MYOM2: variants seen among roughly 807,000 people sequenced by gnomAD.
The protein encoded by MYOM2 is myomesin 2, also known as myomesin-2.
Under a neutral mutation model 187.6 loss-of-function variants are expected in MYOM2, and 254 were observed. That is an observed-to-expected ratio of 1.35 (90% CI 1.22 to 1.50). The LOEUF (loss-of-function observed/expected upper bound fraction) is 1.50, where lower values mean the gene tolerates loss of function less well. MYOM2 is among the 40% of genes most tolerant of loss of function. The probability of loss-of-function intolerance (pLI) is 0.00; values close to 1 mark genes in which losing one functional copy is unlikely to be tolerated. For missense variants in MYOM2, 2,796 were observed against 1,924.0 expected, an observed-to-expected ratio of 1.45 and a Z score of -8.48; for synonymous variants, 981 against 753.8, an observed-to-expected ratio of 1.30 and a Z score of -4.94.
chr8:2,141,191 A>G lies in MYOM2; in HGVS notation c.4001+14A>G. The G allele has an allele frequency of 6.2e-7, 1 of 1,611,290 alleles. No individual in the cohort carries two copies. Among genetic ancestry groups the G allele is most frequent in the South Asian group, 1.1e-5 (1 of 90,708 alleles). ...CCAGCAATTCAAGTAAGATTTGTGT[A>G]TTTAGTTACTATGATATCCTGTGGG... On this transcript the variant is annotated intron_variant, in intron 34 of 36. Coordinates refer to ENST00000262113, the MANE Select transcript of MYOM2 (RefSeq NM_003970.4).
At chr8:2,060,586 AG>A in intron 6 of MYOM2, among the ~76,000 whole-genome samples, 1 of 152,204 alleles carries the variant, frequency 6.6e-6, no homozygotes, top group Middle Eastern at 3.2e-3. Flanking sequence ...ACTGTAAAGC[AG>A]TGAGTGCATC....
intron 32 of MYOM2, among the ~76,000 whole-genome samples, chr8:2,133,106 G>A (rs1026725012): frequency 6.6e-6 from 1 of 152,048 alleles, no homozygotes; most frequent in Non-Finnish European, 1.5e-5. Flanking sequence ...GAAAGCACAG[G>A]GTGTTTCCAG....
rs537361883 is a variant in MYOM2, at chr8:2,109,525, C to T, written c.3174C>T (p.Asp1058=). 7.5e-6 allele frequency: 12 copies of T among 1,610,692 alleles called. No homozygotes were observed. The East Asian group carries it at 9.0e-5, about 12-fold the overall frequency. Reference sequence around the variant, plus strand: ...TTATTAACGACAGAGAAGTCTCTGACAGCGAGGTGAGTTCCTGTGTGAGTG... The same window carrying T: ...TTATTAACGACAGAGAAGTCTCTGATAGCGAGGTGAGTTCCTGTGTGAGTG... ...RFIINDREVS[D]SEIHRIKCDK... is the part of the protein sequence containing the mutation. The change falls in exon 25 of 37, where the codon GAC becomes GAT. Residue 1058 remains aspartate, a synonymous_variant. Coordinates refer to ENST00000262113, the MANE Select transcript of MYOM2 (RefSeq NM_003970.4).
chr8:2,102,585 C>T lies in MYOM2; in HGVS notation c.2620-82C>T, dbSNP rs141129364. On this transcript the variant is annotated intron_variant, in intron 20 of 36. Coordinates refer to ENST00000262113, the MANE Select transcript of MYOM2 (RefSeq NM_003970.4). ...AAAATAAGCTATTTTTGAAAAGGCC[C>T]TATTCACAATAAAATGTGAAAAACT... 706 of 884,416 alleles carry T rather than the reference C, an allele frequency of 8.0e-4. 2 individuals are homozygous for T. In the African/African-American group the frequency reaches 9.6e-3, roughly 12 times the overall value. The allele number at this position is 884,416 out of a possible 1,614,324, so 54.8% of individuals were successfully genotyped here. A position where few individuals can be genotyped will look rare whatever the true frequency, so the allele number is the denominator to read the frequency against.
intron 28 of MYOM2, among the ~76,000 whole-genome samples, chr8:2,119,731 G>A (rs1411986371): frequency 1.3e-5 from 2 of 152,174 alleles, no homozygotes; most frequent in Admixed American, 6.5e-5. Context: ...AGAGGGGTCA[G>A]TGGAAGAGGA....
At chr8:2,138,223 C>A (rs759314806) in intron 32 of MYOM2, among the ~76,000 whole-genome samples, 1 of 152,214 alleles carries the variant, frequency 6.6e-6, no homozygotes, top group Non-Finnish European at 1.5e-5. Flanking sequence ...TAAGCGCCAG[C>A]CTGCAGCTTG....
chr8:2,076,087 A>C, intron 10 of MYOM2, 54 bp from the exon 11 acceptor site: 2 of 1,554,458 alleles, frequency 1.3e-6, no homozygotes, highest in Non-Finnish European at 1.7e-6. Flanking sequence ...CAGGCTTTGC[A>C]GTGACCCCAG....
intron 6 of MYOM2, among the ~76,000 whole-genome samples, chr8:2,062,730 G>C (rs1818892438): frequency 6.6e-6 from 1 of 152,122 alleles, no homozygotes. Context: ...GGGTATGTGG[G>C]GCTGTCTGCT....
chr8:2,079,472 A>G, intron 12 of MYOM2, 88 bp from the exon 13 acceptor site: 1 of 1,245,690 alleles, frequency 8.0e-7, no homozygotes, highest in Non-Finnish European at 1.2e-6. Flanking sequence ...AATGCAGAGG[A>G]GATGCAGAGC....
Position 2,085,323 on chromosome 8 carries a change from A to C in MYOM2, c.1577A>C (p.Tyr526Ser), listed in dbSNP as rs774650952. 6.2e-7 allele frequency: 1 copy of C among 1,613,966 alleles called. No homozygotes were observed. The highest frequency in any genetic ancestry group is 8.5e-7 in the Non-Finnish European group (1 of 1,180,010). Reference protein sequence around the residue: ...GVHASEISRNYVVLSWEPPTP... With the variant: ...GVHASEISRNSVVLSWEPPTP... ...CACGCTTCCGAGATCAGCAGAAACTATGTCGTCCTCAGCTGGGAGCCACCC... is the reference window on the plus strand; with the variant it reads ...CACGCTTCCGAGATCAGCAGAAACTCTGTCGTCCTCAGCTGGGAGCCACCC... The change falls in exon 14 of 37, where the codon TAT (tyrosine) becomes TCT (serine). Residue 526 changes from tyrosine to serine, a missense_variant. Tyr to Ser is a moderately radical substitution (Grantham distance 144, BLOSUM62 -2). Transcript: ENST00000262113.
At chr8:2,076,311 G>C (rs1348204960) in intron 11 of MYOM2, 29 bp downstream of exon 11, 2 of 1,609,688 alleles carry the variant, frequency 1.2e-6, no homozygotes, top group Non-Finnish European at 1.7e-6. Context: ...CCCGGGGATG[G>C]GAACGTTCCG....
intron 21 of MYOM2, among the ~76,000 whole-genome samples, chr8:2,105,381 T>C (rs1268670693): frequency 6.6e-6 from 1 of 152,174 alleles, no homozygotes; most frequent in Admixed American, 6.5e-5. Context: ...CAATTCCTAA[T>C]TCCTACGACA....
chr8:2,126,753 G>T (rs931791045), intron 31 of MYOM2, among the ~76,000 whole-genome samples: 2 of 144,686 alleles, frequency 1.4e-5, no homozygotes, highest in African/African-American at 5.2e-5. Context: ...GACCACTGGG[G>T]GAGGATGGGG....
At chr8:2,124,298 AAG>A (rs1797560008) in intron 31 of MYOM2, 81 bp downstream of exon 31, 2 of 1,390,982 alleles carry the variant, frequency 1.4e-6, no homozygotes, top group African/African-American at 1.4e-5. Context: ...ACTGCTGCAA[AAG>A]AGGGCACCAT....
chr8:2,068,950 C>T (rs918615600), intron 6 of MYOM2, among the ~76,000 whole-genome samples: 6 of 152,184 alleles, frequency 3.9e-5, no homozygotes, highest in Non-Finnish European at 2.9e-5. Flanking sequence ...CCGCGCATTC[C>T]ATAGAGGTAG....
chr8:2,067,635 A>C (rs896974220), intron 6 of MYOM2, among the ~76,000 whole-genome samples: 1 of 152,182 alleles, frequency 6.6e-6, no homozygotes, highest in Admixed American at 6.5e-5. Flanking sequence ...GTGGGAAGAC[A>C]GTTCACAGCC....
Position 2,116,065 on chromosome 8 carries a change from A to G in MYOM2, c.3286A>G (p.Lys1096Glu), listed in dbSNP as rs750210401. The G allele has an allele frequency of 1.9e-6, 3 of 1,613,816 alleles. No individual in the cohort carries two copies. Among genetic ancestry groups the G allele is most frequent in the Non-Finnish European group, 2.5e-6 (3 of 1,180,000 alleles). ...CTACACTGTGCAGATTCATGATGGGAAAGCCAAAAGTCAGTCTTCTCTAGT... is the reference window on the plus strand; with the variant it reads ...CTACACTGTGCAGATTCATGATGGGGAAGCCAAAAGTCAGTCTTCTCTAGT... ...GTYTVQIHDG[K>E]AKSQSSLVLI... Residue 1096 changes from lysine to glutamate, a missense_variant, in exon 26 of 37, where the codon AAA (lysine) becomes GAA (glutamate). Coordinates refer to ENST00000262113, the MANE Select transcript of MYOM2 (RefSeq NM_003970.4).
In MYOM2 at chr8:2,045,882, C is replaced by T. The variant is rs535664610; in HGVS notation, c.-13+714C>T. 4.2e-3 allele frequency among the ~76,000 whole-genome samples: 634 copies of T among 152,306 alleles called. 3 individuals carry two copies. Among genetic ancestry groups the T allele is most frequent in the Non-Finnish European group, 7.0e-3 (474 of 68,036 alleles). The stretch of plus-strand genomic sequence containing the variant: ...GCACGTGGAAGGCACCGGAGGCAAA[C>T]GGAAGGAAGGGGTTTGCCATCACTG... On this transcript the variant is annotated intron_variant, in intron 1 of 36. Coordinates refer to ENST00000262113, the MANE Select transcript of MYOM2 (RefSeq NM_003970.4).
chr8:2,046,239 G>A (rs1818306796), intron 1 of MYOM2, among the ~76,000 whole-genome samples: 1 of 152,192 alleles, frequency 6.6e-6, no homozygotes, highest in African/African-American at 2.4e-5. Flanking sequence ...AACCCATCCT[G>A]GTGACATGAG....
Sources: gnomAD v4.1 joint callset for allele counts (sites outside exome capture counted in the v4.1 genomes callset) on GRCh38, gnomAD v4.1.1 for gene constraint, MANE v1.5 for transcripts, NCBI Gene and HGNC (gene_info 2026-07-23, HGNC 2026-07-21) for gene names.